Variants in ANKRD30B observed in about 807,000 individuals in gnomAD.
The protein encoded by ANKRD30B is ankyrin repeat domain-containing protein 30B.
In ANKRD30B, 144 loss-of-function variants were observed where a neutral mutation model predicts 202.2. The ratio of observed to expected loss-of-function variants is 0.71; its 90% confidence interval spans 0.62 to 0.82. The LOEUF (loss-of-function observed/expected upper bound fraction) is 0.82, where lower values mean the gene tolerates loss of function less well. Among genes scored for constraint, ANKRD30B ranks in the 40% least tolerant of loss-of-function variants. ANKRD30B has a pLI of 0.00. For missense variants in ANKRD30B, 1,487 were observed against 1,669.1 expected, an observed-to-expected ratio of 0.89 and a Z score of 1.90; for synonymous variants, 508 against 561.3, an observed-to-expected ratio of 0.91 and a Z score of 1.34.
chr18:14,782,666 C>T lies in ANKRD30B; in HGVS notation c.1570+52C>T, dbSNP rs139913636. ...TCTTTTAACCATATGTTTGTCTAAA[C>T]GCATGATGACTGAAATACTCTAATA... On this transcript the variant is annotated intron_variant, in intron 12 of 43. Coordinates refer to ENST00000690538, the MANE Select transcript of ANKRD30B (RefSeq NM_001367607.2). 2.8e-3 allele frequency: 3,318 copies of T among 1,196,158 alleles called. 77 individuals carry two copies. In the African/African-American group the frequency reaches 0.046, roughly 16 times the overall value. The allele number at this position is 1,196,158 out of a possible 1,614,324, so 74.1% of individuals were successfully genotyped here. A position where few individuals can be genotyped will look rare whatever the true frequency, so the allele number is the denominator to read the frequency against.
chr18:14,868,912 G>T, the ANKRD30B span, among the ~76,000 whole-genome samples: 1 of 152,188 alleles, frequency 6.6e-6, no homozygotes, highest in Non-Finnish European at 1.5e-5. Flanking sequence ...CCTCCGTGTT[G>T]TCTCTGGCTT....
At chr18:14,842,469 T>C (rs935063094) in intron 37 of ANKRD30B, among the ~76,000 whole-genome samples, 2 of 152,192 alleles carry the variant, frequency 1.3e-5, no homozygotes, top group African/African-American at 4.8e-5. Flanking sequence ...GTAGGACAAA[T>C]TAAAGAACAT....
the ANKRD30B span, among the ~76,000 whole-genome samples, chr18:14,923,939 G>C: frequency 2.6e-5 from 4 of 152,250 alleles, no homozygotes; most frequent in African/African-American, 7.2e-5. Context: ...GTGGTGCTGG[G>C]ATACCCCTTC....
chr18:14,763,544 C>T, intron 6 of ANKRD30B, 142 bp from the exon 7 acceptor site: 1 of 1,216,456 alleles, frequency 8.2e-7, no homozygotes. Context: ...AGCAAGACTC[C>T]ATCAAAAAAA....
intron 12 of ANKRD30B, among the ~76,000 whole-genome samples, chr18:14,782,918 A>AGGG: frequency 6.6e-6 from 1 of 152,302 alleles, no homozygotes; most frequent in East Asian, 1.9e-4. Context: ...GAGAGAGTAC[A>AGGG]GGGAGTTCAT....
intron 39 of ANKRD30B, among the ~76,000 whole-genome samples, chr18:14,844,067 A>T (rs540629417): frequency 6.6e-6 from 1 of 152,302 alleles, no homozygotes; most frequent in East Asian, 1.9e-4. Context: ...TTTCTGTAAC[A>T]TTCTTTGTTT....
intron 8 of ANKRD30B, among the ~76,000 whole-genome samples, chr18:14,771,900 A>G (rs565784447): frequency 6.6e-6 from 1 of 152,314 alleles, no homozygotes; most frequent in South Asian, 2.1e-4. Flanking sequence ...TTCTTATGGA[A>G]CTAAGAGTCA....
At chr18:14,934,347 T>G in the ANKRD30B span, among the ~76,000 whole-genome samples, 1 of 152,184 alleles carries the variant, frequency 6.6e-6, no homozygotes, top group Non-Finnish European at 1.5e-5. Flanking sequence ...ATTCCTCTCC[T>G]TTCCCTCACC....
At chr18:14,892,742 CAAAAAAA>C in the ANKRD30B span, among the ~76,000 whole-genome samples, 1 of 72,902 alleles carries the variant, frequency 1.4e-5, no homozygotes. Context: ...TCTGTTTCAC[CAAAAAAA>C]AAAAAAAAAA....
chr18:14,798,983 T>C, intron 20 of ANKRD30B, 118 bp from the exon 21 acceptor site: 3 of 1,096,198 alleles, frequency 2.7e-6, no homozygotes, highest in Non-Finnish European at 4.2e-6. Flanking sequence ...AAACCTAGTG[T>C]AATCCCTTTT....
At chr18:14,861,483 A>T in the ANKRD30B span, among the ~76,000 whole-genome samples, 1 of 151,100 alleles carries the variant, frequency 6.6e-6, no homozygotes, top group Admixed American at 6.6e-5. Context: ...CTTGTATCAG[A>T]TAAAACAGAC....
rs551044290 is a variant in ANKRD30B at position 14,795,599 on chromosome 18, C to G, written c.1826-622C>G. The stretch of plus-strand genomic sequence containing the variant: ...GAACCCCATAAATGTAAAAATACTC[C>G]TATTTCACAGAGGTTCAAAAATAAA... On this transcript the variant is annotated intron_variant, in intron 16 of 43. Transcript: ENST00000690538. Among the ~76,000 whole-genome samples the G allele has an allele frequency of 8.3e-4, 126 of 152,236 alleles. 1 individual carries two copies. The highest frequency in any genetic ancestry group is 3.4e-3 in the Middle Eastern group (1 of 294).
intron 18 of ANKRD30B, among the ~76,000 whole-genome samples, chr18:14,796,868 T>A (rs1968936362): frequency 6.6e-6 from 1 of 152,070 alleles, no homozygotes; most frequent in Admixed American, 6.6e-5. Context: ...GGTGAGATGG[T>A]CCCATGTGGA....
chr18:14,819,485 T>C lies in ANKRD30B; in HGVS notation c.2642-2998T>C, dbSNP rs531981940. ...TGCCTAGGTTTTCTTCTAGGGTTTT[T>C]ATGGTTTTAGGTCTAACGTTTAAGT... is the stretch of plus-strand genomic sequence containing the variant. On this transcript the variant is annotated intron_variant, in intron 30 of 43. Transcript: ENST00000690538. 7.4e-4 allele frequency among the ~76,000 whole-genome samples: 112 copies of C among 152,062 alleles called. 2 individuals carry two copies. The East Asian group carries it at 0.019, about 25-fold the overall frequency.
At chr18:14,898,099 T>A in the ANKRD30B span, among the ~76,000 whole-genome samples, 7 of 152,226 alleles carry the variant, frequency 4.6e-5, no homozygotes, top group East Asian at 3.9e-4. Flanking sequence ...ATTCTATAGA[T>A]CTTTTGTGAT....
At chr18:14,903,261 G>T in the ANKRD30B span, among the ~76,000 whole-genome samples, 3,583 of 152,278 alleles carry the variant, frequency 0.024, 137 homozygotes, top group African/African-American at 0.082. Context: ...TGGAGGAAAG[G>T]CGTGAACATT....
intron 4 of ANKRD30B, 62 bp downstream of exon 4, chr18:14,755,067 C>A: frequency 1.1e-6 from 1 of 894,520 alleles, no homozygotes; most frequent in East Asian, 3.1e-5. Context: ...TAATAATGCT[C>A]AAGTCAGAAA....
chr18:14,910,773 A>G, the ANKRD30B span, among the ~76,000 whole-genome samples: 41 of 152,228 alleles, frequency 2.7e-4, no homozygotes, highest in African/African-American at 9.1e-4. Context: ...TTTTCCCTGC[A>G]TCCTAGCCAA....
the ANKRD30B span, among the ~76,000 whole-genome samples, chr18:14,919,378 G>A: frequency 6.6e-6 from 1 of 152,180 alleles, no homozygotes; most frequent in Non-Finnish European, 1.5e-5. Flanking sequence ...CCCAAACCAA[G>A]AACCAGTACC....
Sources: allele counts gnomAD v4.1 joint callset (sites outside exome capture counted in the v4.1 genomes callset), GRCh38; gene constraint gnomAD v4.1.1; transcripts MANE v1.5; gene names NCBI Gene and HGNC (gene_info 2026-07-23, HGNC 2026-07-21).